Variants in SLC39A9 observed in about 807,000 individuals in gnomAD.
The protein encoded by SLC39A9 is zinc transporter ZIP9.
A neutral mutation model predicts 28.4 loss-of-function variants in SLC39A9; 14 were observed. The observed-to-expected ratio is 0.49, with a 90% CI of 0.33 to 0.77. SLC39A9 has a LOEUF of 0.77. Among genes scored for constraint, SLC39A9 ranks in the 30% least tolerant of loss-of-function variants. The pLI, the probability that SLC39A9 is intolerant of heterozygous loss-of-function variation, is 0.02. For missense variants in SLC39A9, 283 were observed against 381.1 expected (o/e 0.74, Z 2.14); for synonymous variants, 119 against 149.6 (o/e 0.80, Z 1.49).
chr14:69,433,772 C>T (rs1884608725), intron 2 of SLC39A9, among the ~76,000 whole-genome samples: 1 of 151,910 alleles, frequency 6.6e-6, no homozygotes, highest in Admixed American at 6.6e-5. Flanking sequence ...GTCTTCTCTT[C>T]TCTTTGCTTT....
intron 5 of SLC39A9, 83 bp downstream of exon 5, chr14:69,454,980 A>T: frequency 2.0e-6 from 2 of 1,013,292 alleles, no homozygotes; most frequent in Non-Finnish European, 3.0e-6. Flanking sequence ...TTTTCCTGGA[A>T]TGGGAACATT....
intron 3 of SLC39A9, among the ~76,000 whole-genome samples, chr14:69,449,792 T>C (rs1413424272): frequency 3.3e-5 from 5 of 152,134 alleles, no homozygotes; most frequent in African/African-American, 1.2e-4. Context: ...TTTTCTGTGT[T>C]CTCTGATCCT....
chr14:69,439,013 A>G (rs951298344), intron 2 of SLC39A9, among the ~76,000 whole-genome samples: 1 of 152,248 alleles, frequency 6.6e-6, no homozygotes, highest in Non-Finnish European at 1.5e-5. Flanking sequence ...TTCAGGTGAG[A>G]TGATCTTATG....
upstream of SLC39A9, chr14:69,398,499 G>T (rs757605529): frequency 2.9e-5 from 17 of 577,312 alleles, no homozygotes; most frequent in Admixed American, 2.1e-4. Context: ...TTTTCAAGAC[G>T]CTGTCTTCCG....
chr14:69,454,756 A>T (rs1885780852), intron 4 of SLC39A9, 56 bp from the exon 5 acceptor site: 3 of 1,445,126 alleles, frequency 2.1e-6, no homozygotes, highest in Non-Finnish European at 2.9e-6. Context: ...CAACCACTAC[A>T]CTGTTATTGT....
chr14:69,447,623 T>G (rs567719344), intron 3 of SLC39A9, among the ~76,000 whole-genome samples: 2 of 152,228 alleles, frequency 1.3e-5, no homozygotes, highest in Non-Finnish European at 2.9e-5. Flanking sequence ...AATTATGAAC[T>G]AAACTGGGCT....
rs570076592 is a variant in SLC39A9, at chr14:69,411,099, C to T, written c.96+11634C>T. 4.6e-4 allele frequency among the ~76,000 whole-genome samples: 70 copies of T among 151,016 alleles called. 1 individual carries two copies. The highest frequency in any genetic ancestry group is 4.7e-4 in the Non-Finnish European group (32 of 67,904). On this transcript the variant is annotated intron_variant, in intron 1 of 6. Coordinates refer to ENST00000336643, the MANE Select transcript of SLC39A9 (RefSeq NM_018375.5). ...TGATGGCACATGCCTGTAATCCCAG[C>T]TACTCAGGAGGCTAAGGCAGGAGAA...
At chr14:69,436,559 G>GT (rs1156929590) in intron 2 of SLC39A9, among the ~76,000 whole-genome samples, 2 of 152,052 alleles carry the variant, frequency 1.3e-5, no homozygotes, top group East Asian at 1.9e-4. Context: ...TTTTGTTTTT[G>GT]TTTTTTGTTT....
At chr14:69,438,116 G>C (rs1428342120) in intron 2 of SLC39A9, among the ~76,000 whole-genome samples, 1 of 151,484 alleles carries the variant, frequency 6.6e-6, no homozygotes, top group Admixed American at 6.6e-5. Context: ...CCGCCTCCTG[G>C]GTTGAAGTGA....
intron 2 of SLC39A9, among the ~76,000 whole-genome samples, chr14:69,433,609 T>A (rs1884596556): frequency 6.6e-6 from 1 of 152,242 alleles, no homozygotes; most frequent in African/African-American, 2.4e-5. Flanking sequence ...TTCAGTTTTT[T>A]AAATAGATAG....
At position 69,444,574 on chromosome 14, in the gene SLC39A9, A is replaced by G. The variant is rs116572971; in HGVS notation, c.403+2308A>G. On this transcript the variant is annotated intron_variant, in intron 3 of 6. Coordinates refer to ENST00000336643, the MANE Select transcript of SLC39A9 (RefSeq NM_018375.5). ...TGGGGTGGCAATGCAAAATGGTACA[A>G]TGCCCATGGAGAGGAATTTGGCAGT... Among the ~76,000 whole-genome samples, 1,400 of 152,324 alleles carry G rather than the reference A, an allele frequency of 9.2e-3. 23 individuals carry two copies. The highest frequency in any genetic ancestry group is 0.032 in the African/African-American group (1,325 of 41,568).
At chr14:69,445,953 G>A (rs766061200) in intron 3 of SLC39A9, among the ~76,000 whole-genome samples, 4 of 152,184 alleles carry the variant, frequency 2.6e-5, no homozygotes, top group Non-Finnish European at 5.9e-5. Flanking sequence ...AATTATGAAT[G>A]TAGTATTTGA....
chr14:69,441,893 T>A, intron 2 of SLC39A9, 176 bp from the exon 3 acceptor site: 1 of 1,387,190 alleles, frequency 7.2e-7, no homozygotes, highest in Non-Finnish European at 9.3e-7. Flanking sequence ...ATTTGGGAAT[T>A]TTTTCATCAT....
intron 1 of SLC39A9, among the ~76,000 whole-genome samples, chr14:69,406,500 A>G (rs929998726): frequency 7.2e-5 from 11 of 152,140 alleles, no homozygotes; most frequent in African/African-American, 2.7e-4. Context: ...CTTTTGTTGA[A>G]TGATAAGATC....
rs769800627 is a variant in SLC39A9, at chr14:69,462,030, T to G, written c.*3437T>G. On this transcript the variant is annotated 3_prime_UTR_variant, in exon 7 of 7. Transcript: ENST00000336643. ...AAAACCTCTTTGTACCTGAGACATCTAGATTCACCTCAGGAGGCCTGAAGG... is the reference window on the plus strand; with the variant it reads ...AAAACCTCTTTGTACCTGAGACATCGAGATTCACCTCAGGAGGCCTGAAGG... The G allele has an allele frequency of 7.6e-6, 2 of 264,722 alleles. No individual in the cohort carries two copies. Among genetic ancestry groups the G allele is most frequent in the African/African-American group, 2.2e-5 (1 of 45,496 alleles). 16.4% of individuals were successfully genotyped at this position (264,722 alleles called of 1,614,324 possible). A position where few individuals can be genotyped will look rare whatever the true frequency, so the allele number is the denominator to read the frequency against.
intron 2 of SLC39A9, among the ~76,000 whole-genome samples, chr14:69,434,504 A>G (rs893246126): frequency 3.9e-5 from 6 of 152,044 alleles, no homozygotes; most frequent in African/African-American, 1.4e-4. Flanking sequence ...TGAGCTACAT[A>G]TGAAGACCCT....
At position 69,442,200 on chromosome 14, in the gene SLC39A9, G is replaced by T. The variant is rs370037463; in HGVS notation, c.337G>T (p.Val113Phe). Residue 113 changes from valine (V) to phenylalanine (F), a missense_variant, in exon 3 of 7, where the codon GTT becomes TTT. Val to Phe is a conservative substitution (Grantham distance 50). Transcript: ENST00000336643. ...GCATGCCTATATTGGTGTTTCCCTC[G>T]TTCTGGGCTTCGTTTTCATGTTGCT... ...QLHAYIGVSL[V>F]LGFVFMLLVD... The T allele has an allele frequency of 6.2e-7, 1 of 1,614,134 alleles. No individual in the cohort carries two copies. Among genetic ancestry groups the T allele is most frequent in the South Asian group, 1.1e-5 (1 of 91,084 alleles).
rs529538875 is a variant in SLC39A9 at position 69,426,980 on chromosome 14, A to G, written c.205+2778A>G. ...CCACAGGTTGCATTCCCTTATTTTC[A>G]GTTTTCCTGATTTTTGACCCAAAAT... On this transcript the variant is annotated intron_variant, in intron 2 of 6. Transcript: ENST00000336643. 2.0e-3 allele frequency among the ~76,000 whole-genome samples: 299 copies of G among 151,212 alleles called. 1 individual carries two copies. Among genetic ancestry groups the G allele is most frequent in the African/African-American group, 7.0e-3 (288 of 41,164 alleles).
intron 2 of SLC39A9, among the ~76,000 whole-genome samples, chr14:69,425,487 G>A (rs1464145260): frequency 1.3e-5 from 2 of 152,130 alleles, no homozygotes; most frequent in Non-Finnish European, 2.9e-5. Context: ...CCTCCAGGAA[G>A]GATCCCGGGA....
Sources: allele counts gnomAD v4.1 joint callset (sites outside exome capture counted in the v4.1 genomes callset), GRCh38; gene constraint gnomAD v4.1.1; transcripts MANE v1.5; gene names NCBI Gene and HGNC (gene_info 2026-07-23, HGNC 2026-07-21).